Variants in THSD7B observed in about 807,000 individuals in gnomAD.
The protein encoded by THSD7B is thrombospondin type 1 domain containing 7B.
Under a neutral mutation model 213.6 loss-of-function variants are expected in THSD7B, and 138 were observed. The ratio of observed to expected loss-of-function variants is 0.65; its 90% CI spans 0.56 to 0.74. THSD7B has a LOEUF of 0.74. Ranked by LOEUF, THSD7B falls within the 30% of genes least tolerant of loss-of-function variation. The pLI is 0.00. For missense variants in THSD7B, 1,931 were observed against 1,991.5 expected (o/e 0.97, Z 0.58); for synonymous variants, 742 against 687.0 (o/e 1.08, Z -1.25).
At chr2:137,445,707 AG>A (rs1195795348) in intron 14 of THSD7B, among the ~76,000 whole-genome samples, 1 of 151,972 alleles carries the variant, frequency 6.6e-6, no homozygotes, top group African/African-American at 2.4e-5. Flanking sequence ...ATAGCACAAT[AG>A]GGCAACTATA....
chr2:137,141,385 G>T (rs888886061), intron 5 of THSD7B, among the ~76,000 whole-genome samples: 3 of 152,032 alleles, frequency 2.0e-5, no homozygotes, highest in Non-Finnish European at 4.4e-5. Context: ...GTAGCAGAAA[G>T]GAGTCTTATA....
intron 10 of THSD7B, among the ~76,000 whole-genome samples, chr2:137,266,751 G>A (rs1682599671): frequency 6.6e-6 from 1 of 152,100 alleles, no homozygotes; most frequent in South Asian, 2.1e-4. Context: ...CTCTAGCAGT[G>A]CCCCCAATTT....
At chr2:137,628,876 C>T (rs1024245115) in intron 20 of THSD7B, among the ~76,000 whole-genome samples, 2 of 152,294 alleles carry the variant, frequency 1.3e-5, no homozygotes, top group Admixed American at 6.5e-5. Flanking sequence ...TACTACATTT[C>T]AATCACACCC....
At chr2:136,852,646 A>G (rs1435535585) in intron 1 of THSD7B, among the ~76,000 whole-genome samples, 1 of 152,026 alleles carries the variant, frequency 6.6e-6, no homozygotes, top group Non-Finnish European at 1.5e-5. Context: ...TGTGGTTTTG[A>G]TTTTGTTCTT....
chr2:137,293,814 A>G (rs901368484), intron 12 of THSD7B, among the ~76,000 whole-genome samples: 2 of 152,142 alleles, frequency 1.3e-5, no homozygotes, highest in African/African-American at 2.4e-5. Context: ...TGGACTATTA[A>G]TCTCCAAATC....
chr2:137,071,671 G>T (rs1453538865), intron 3 of THSD7B, among the ~76,000 whole-genome samples: 1 of 151,968 alleles, frequency 6.6e-6, no homozygotes, highest in Non-Finnish European at 1.5e-5. Context: ...GGTTTTAGGT[G>T]TTGCCTATGT....
chr2:137,239,843 G>T (rs181329138), intron 9 of THSD7B, among the ~76,000 whole-genome samples: 2 of 152,304 alleles, frequency 1.3e-5, no homozygotes, highest in East Asian at 3.9e-4. Context: ...AGTTTTGGAG[G>T]CTGAAAGTCC....
At chr2:137,330,060 G>C (rs897856889) in intron 12 of THSD7B, among the ~76,000 whole-genome samples, 6 of 152,268 alleles carry the variant, frequency 3.9e-5, no homozygotes, top group African/African-American at 1.4e-4. Context: ...TTTAAACCTT[G>C]GCAGCTTCCA....
intron 1 of THSD7B, among the ~76,000 whole-genome samples, chr2:136,854,484 A>G (rs1683149227): frequency 6.6e-6 from 1 of 151,484 alleles, no homozygotes; most frequent in African/African-American, 2.4e-5. Flanking sequence ...CTCCTTCCCC[A>G]TCAGGCCTGT....
intron 15 of THSD7B, among the ~76,000 whole-genome samples, chr2:137,542,211 G>A (rs925020430): frequency 9.2e-5 from 14 of 151,534 alleles, no homozygotes; most frequent in African/African-American, 3.1e-4. Flanking sequence ...AAACAGAAGT[G>A]ACTTATTGTA....
chr2:137,404,033 A>G (rs1383412667), intron 12 of THSD7B, among the ~76,000 whole-genome samples: 1 of 152,196 alleles, frequency 6.6e-6, no homozygotes, highest in African/African-American at 2.4e-5. Context: ...CCAGAGTGAA[A>G]AAGATGAACC....
At chr2:137,570,699 C>T (rs972420077) in intron 16 of THSD7B, among the ~76,000 whole-genome samples, 3 of 152,116 alleles carry the variant, frequency 2.0e-5, no homozygotes, top group African/African-American at 7.2e-5. Flanking sequence ...CAGCAAATGG[C>T]ATGATTTATT....
intron 3 of THSD7B, among the ~76,000 whole-genome samples, chr2:137,083,678 G>A (rs80284286): frequency 0.087 from 13,257 of 152,034 alleles, 712 homozygotes; most frequent in East Asian, 0.17. Context: ...TCTCAGTTCT[G>A]GTTCATTTCT....
intron 6 of THSD7B, among the ~76,000 whole-genome samples, chr2:137,162,947 A>G (rs768929649): frequency 1.1e-4 from 17 of 152,190 alleles, no homozygotes; most frequent in Middle Eastern, 3.4e-3. Context: ...TTTAGTAGAG[A>G]CGGGGTTTCT....
intron 2 of THSD7B, among the ~76,000 whole-genome samples, chr2:136,883,595 C>G (rs183489226): frequency 6.6e-6 from 1 of 152,076 alleles, no homozygotes; most frequent in East Asian, 1.9e-4. Context: ...ATTTTTATGA[C>G]TACTGTCGAA....
At chr2:136,976,635 T>C (rs961939057) in intron 2 of THSD7B, among the ~76,000 whole-genome samples, 3 of 151,994 alleles carry the variant, frequency 2.0e-5, no homozygotes, top group Non-Finnish European at 4.4e-5. Flanking sequence ...AGTTTTCCTT[T>C]TTTTTTTTCT....
rs186184457 is a variant in THSD7B at position 137,206,384 on chromosome 2, C to T, written c.1724-24660C>T. Among the ~76,000 whole-genome samples the T allele has an allele frequency of 5.3e-5, 8 of 152,128 alleles. No individual in the cohort carries two copies. The East Asian group carries it at 7.7e-4, about 15-fold the overall frequency. On this transcript the variant is annotated intron_variant, in intron 7 of 27. Coordinates refer to ENST00000409968, the MANE Select transcript of THSD7B (RefSeq NM_001316349.2). Reference sequence around the variant, plus strand: ...TGATTAATGAGGAAGAAAGAATAAGCGTGAGAGTGTTTAAAGTCCCAAATA... The same window carrying T: ...TGATTAATGAGGAAGAAAGAATAAGTGTGAGAGTGTTTAAAGTCCCAAATA...
chr2:136,918,518 T>C (rs1036885548), intron 2 of THSD7B, among the ~76,000 whole-genome samples: 5 of 152,194 alleles, frequency 3.3e-5, no homozygotes, highest in Admixed American at 6.5e-5. Context: ...CTGATGCATG[T>C]AATGAAGATG....
chr2:137,127,991 A>T (rs1573839958), intron 5 of THSD7B, among the ~76,000 whole-genome samples: 2 of 152,248 alleles, frequency 1.3e-5, no homozygotes, highest in African/African-American at 4.8e-5. Flanking sequence ...CACAATAAAT[A>T]TAGGGAAACA....
Sources: gnomAD v4.1 joint callset for allele counts (sites outside exome capture counted in the v4.1 genomes callset) on GRCh38, gnomAD v4.1.1 for gene constraint, MANE v1.5 for transcripts, NCBI Gene and HGNC (gene_info 2026-07-23, HGNC 2026-07-21) for gene names.